Variants in ST8SIA3 observed in about 807,000 individuals in gnomAD.
ST8SIA3 encodes the protein alpha-N-acetylneuraminate alpha-2,8-sialyltransferase ST8SIA3.
ST8SIA3 carries 17 observed loss-of-function variants against 34.5 expected under a neutral mutation model. The observed-to-expected ratio is 0.49, with a 90% CI of 0.34 to 0.74. The LOEUF (loss-of-function observed/expected upper bound fraction) is 0.74. ST8SIA3 is among the 30% of genes least tolerant of loss of function. The pLI, the probability that ST8SIA3 is intolerant of heterozygous loss-of-function variation, is 0.01. For missense variants in ST8SIA3, 354 were observed against 467.8 expected, an observed-to-expected ratio of 0.76 and a Z score of 2.24; for synonymous variants, 172 against 176.1, an observed-to-expected ratio of 0.98 and a Z score of 0.19.
At chr18:57,356,408 T>C (rs890512937) in intron 2 of ST8SIA3, among the ~76,000 whole-genome samples, 6 of 152,230 alleles carry the variant, frequency 3.9e-5, no homozygotes, top group African/African-American at 1.4e-4. Flanking sequence ...ATTTTAATAA[T>C]AGATAGTGCT....
At position 57,356,962 on chromosome 18, in the gene ST8SIA3, A is replaced by G. The variant is rs1445637506; in HGVS notation, c.352A>G (p.Lys118Glu). 4 of 1,610,112 alleles carry G rather than the reference A, an allele frequency of 2.5e-6. No individual in the cohort carries two copies. Among genetic ancestry groups the G allele is most frequent in the Non-Finnish European group, 3.4e-6 (4 of 1,178,642 alleles). Residue 118 changes from lysine to glutamate, a missense_variant, in exon 3 of 4, where the codon AAG becomes GAG. Transcript: ENST00000324000. The stretch of plus-strand genomic sequence containing the variant: ...TGTAATAAAAAATTTTTCTTTGACC[A>G]AGAATAGTGTTCGGATTGGACAACT... ...VDVIKNFSLT[K>E]NSVRIGQLMH... is the part of the protein sequence containing the mutation.
rs760105616 is a variant in ST8SIA3, at chr18:57,356,978, T to C, written c.368T>C (p.Ile123Thr). 1 of 1,613,822 alleles carries C rather than the reference T, an allele frequency of 6.2e-7. No individual in the cohort carries two copies. Among genetic ancestry groups the C allele is most frequent in the Non-Finnish European group, 8.5e-7 (1 of 1,179,892 alleles). ...NFSLTKNSVR[I>T]GQLMHYDYSS... Reference sequence around the variant, plus strand: ...TCTTTGACCAAGAATAGTGTTCGGATTGGACAACTGATGCACTATGATTAT... The same window carrying C: ...TCTTTGACCAAGAATAGTGTTCGGACTGGACAACTGATGCACTATGATTAT... Residue 123 changes from isoleucine to threonine, a missense_variant, in exon 3 of 4, where the codon ATT (isoleucine) becomes ACT (threonine). Coordinates refer to ENST00000324000, the MANE Select transcript of ST8SIA3 (RefSeq NM_015879.3).
At position 57,366,757 on chromosome 18, in the gene ST8SIA3, G is replaced by A. The variant is rs2049862993; in HGVS notation, c.*6480G>A. ...CCTTAGAAAAGTTTCCAACGGTGAA[G>A]AAATACCACTTGGTAGGAATATCTC... On this transcript the variant is annotated 3_prime_UTR_variant, in exon 4 of 4. Transcript: ENST00000324000. 6.6e-6 allele frequency: 1 copy of A among 152,270 alleles called. No individual in the cohort carries two copies. The highest frequency in any genetic ancestry group is 6.5e-5 in the Admixed American group (1 of 15,290). 9.4% of individuals were successfully genotyped at this position (152,270 alleles called of 1,614,324 possible). A position where few individuals can be genotyped will look rare whatever the true frequency, so the allele number is the denominator to read the frequency against.
rs1598905766 is a variant in ST8SIA3 at position 57,365,778 on chromosome 18, G to C, written c.*5501G>C. 6.6e-6 allele frequency: 1 copy of C among 152,162 alleles called. No individual in the cohort carries two copies. The highest frequency in any genetic ancestry group is 2.4e-5 in the African/African-American group (1 of 41,426). The allele number at this position is 152,162 out of a possible 1,614,324, so 9.4% of individuals were successfully genotyped here. A position where few individuals can be genotyped will look rare whatever the true frequency, so the allele number is the denominator to read the frequency against. The stretch of plus-strand genomic sequence containing the variant: ...GTGATCAGTTATTACTTGTGGCCTT[G>C]TACCACCTCTGTTGGATAATGTGCC... On this transcript the variant is annotated 3_prime_UTR_variant, in exon 4 of 4. Coordinates refer to ENST00000324000, the MANE Select transcript of ST8SIA3 (RefSeq NM_015879.3).
At position 57,352,879 on chromosome 18, in the gene ST8SIA3, T is replaced by C. The variant is rs146954800; in HGVS notation, c.33T>C (p.Ser11=). ...ACTGCAAAATGGCCCGGGTCGCCAG[T>C]GTGCTGGGGCTGGTCATGCTCAGCG... The part of the protein sequence containing the change: MRNCKMARVA[S]VLGLVMLSVA... The change falls in exon 1 of 4, where the codon AGT becomes AGC. Residue 11 remains serine, a synonymous_variant. Coordinates refer to ENST00000324000, the MANE Select transcript of ST8SIA3 (RefSeq NM_015879.3). 695 of 1,613,726 alleles carry C rather than the reference T, an allele frequency of 4.3e-4. No homozygotes were observed. The highest frequency in any genetic ancestry group is 5.3e-4 in the Non-Finnish European group (622 of 1,179,996).
At position 57,357,315 on chromosome 18, in the gene ST8SIA3, A is replaced by C; in HGVS notation, c.705A>C (p.Leu235Phe). The change falls in exon 3 of 4, where the codon TTA becomes TTC. Residue 235 changes from leucine to phenylalanine, a missense_variant. Leu to Phe is a conservative substitution (Grantham distance 22). Transcript: ENST00000324000. The stretch of plus-strand genomic sequence containing the variant: ...ACCGTAACAACTTTTTCCTCAGTTT[A>C]AAAAAGCTTGACGGGGCCATTCTTT... ...IQDRNNFFLS[L>F]KKLDGAILWI... 6.2e-7 allele frequency: 1 copy of C among 1,613,996 alleles called. No homozygotes were observed. The highest frequency in any genetic ancestry group is 8.5e-7 in the Non-Finnish European group (1 of 1,179,984).
rs1037754109 is a variant in ST8SIA3, at chr18:57,362,676, T to G, written c.*2399T>G. 6.6e-6 allele frequency: 1 copy of G among 152,132 alleles called. No homozygotes were observed. The highest frequency in any genetic ancestry group is 2.4e-5 in the African/African-American group (1 of 41,440). 9.4% of individuals were successfully genotyped at this position (152,132 alleles called of 1,614,324 possible). ...ATGAAAACTCAAAATAGTGAGGAAA[T>G]GGACTTTTCTTCAGAACTTGAGGGG... On this transcript the variant is annotated 3_prime_UTR_variant, in exon 4 of 4. Coordinates refer to ENST00000324000, the MANE Select transcript of ST8SIA3 (RefSeq NM_015879.3).
chr18:57,357,691 G>T (rs1367283669), intron 3 of ST8SIA3, among the ~76,000 whole-genome samples: 3 of 152,158 alleles, frequency 2.0e-5, no homozygotes, highest in Non-Finnish European at 4.4e-5. Context: ...TGGAAGGATT[G>T]GGGCTTCATC....
intron 2 of ST8SIA3, among the ~76,000 whole-genome samples, chr18:57,355,088 A>C (rs1369560202): frequency 6.6e-6 from 1 of 152,204 alleles, no homozygotes. Context: ...TTGTCTTTAC[A>C]GCTTTTAACT....
In ST8SIA3 at chr18:57,361,863, T is replaced by C. The variant is rs1203743521; in HGVS notation, c.*1586T>C. The C allele has an allele frequency of 6.6e-6, 1 of 152,402 alleles. No individual in the cohort carries two copies. Among genetic ancestry groups the C allele is most frequent in the Non-Finnish European group, 1.5e-5 (1 of 68,040 alleles). The allele number at this position is 152,402 out of a possible 1,614,324, so 9.4% of individuals were successfully genotyped here. A position where few individuals can be genotyped will look rare whatever the true frequency, so the allele number is the denominator to read the frequency against. On this transcript the variant is annotated 3_prime_UTR_variant, in exon 4 of 4. Transcript: ENST00000324000. ...TTGCTTGCAATGCGACAAATAACTG[T>C]TTAAAAAATGTGCTGTAGTTCAGTG...
chr18:57,358,201 C>T (rs1476081599), intron 3 of ST8SIA3, among the ~76,000 whole-genome samples: 4 of 152,198 alleles, frequency 2.6e-5, no homozygotes, highest in Non-Finnish European at 5.9e-5. Context: ...TTTTTAACAA[C>T]TCTCCTGATG....
chr18:57,353,875 G>C (rs748888620), intron 1 of ST8SIA3, among the ~76,000 whole-genome samples: 24 of 152,242 alleles, frequency 1.6e-4, no homozygotes, highest in Non-Finnish European at 3.1e-4. Flanking sequence ...CCTGGACCGA[G>C]GAGCGGAGTA....
Position 57,364,158 on chromosome 18 carries a change from C to T in ST8SIA3, c.*3881C>T, listed in dbSNP as rs1400651342. On this transcript the variant is annotated 3_prime_UTR_variant, in exon 4 of 4. Coordinates refer to ENST00000324000, the MANE Select transcript of ST8SIA3 (RefSeq NM_015879.3). ...ATGAAACAAAACACGCTTGGTAAAT[C>T]ATGATTTGATAAATAACAATTAAGT... is the stretch of plus-strand genomic sequence containing the variant. 1 of 152,190 alleles carries T rather than the reference C, an allele frequency of 6.6e-6. No individual in the cohort carries two copies. Among genetic ancestry groups the T allele is most frequent in the Non-Finnish European group, 1.5e-5 (1 of 68,036 alleles). 9.4% of individuals were successfully genotyped at this position (152,190 alleles called of 1,614,324 possible).
intron 3 of ST8SIA3, among the ~76,000 whole-genome samples, chr18:57,358,039 C>T (rs2049809082): frequency 6.6e-6 from 1 of 152,110 alleles, no homozygotes; most frequent in Non-Finnish European, 1.5e-5. Flanking sequence ...GCCAGAGATG[C>T]AATATTTTCT....
Position 57,357,297 on chromosome 18 carries a change from C to T in ST8SIA3, c.687C>T (p.Asn229=). The change falls in exon 3 of 4, where the codon AAC becomes AAT. Residue 229 remains asparagine, a synonymous_variant. Transcript: ENST00000324000. ...YNNLLTIQDR[N]NFFLSLKKLD... is the part of the protein sequence containing the mutation. ...ATCTCTTGACTATTCAGGACCGTAA[C>T]AACTTTTTCCTCAGTTTAAAAAAGC... The T allele has an allele frequency of 6.2e-7, 1 of 1,614,118 alleles. No homozygotes were observed. The highest frequency in any genetic ancestry group is 8.5e-7 in the Non-Finnish European group (1 of 1,180,006).
rs1226445265 is a variant in ST8SIA3 at position 57,367,339 on chromosome 18, C to T, written c.*7062C>T. 1 of 152,482 alleles carries T rather than the reference C, an allele frequency of 6.6e-6. No individual in the cohort carries two copies. Among genetic ancestry groups the T allele is most frequent in the African/African-American group, 2.4e-5 (1 of 41,452 alleles). The allele number at this position is 152,482 out of a possible 1,614,324, so 9.4% of individuals were successfully genotyped here. A position where few individuals can be genotyped will look rare whatever the true frequency, so the allele number is the denominator to read the frequency against. On this transcript the variant is annotated 3_prime_UTR_variant, in exon 4 of 4. Transcript: ENST00000324000. Reference sequence around the variant, plus strand: ...TCATTGAAATGAGCTTGTTTCTCTACATTGAGCAAGCTACATTTTATTTTA... The same window carrying T: ...TCATTGAAATGAGCTTGTTTCTCTATATTGAGCAAGCTACATTTTATTTTA...
intron 2 of ST8SIA3, among the ~76,000 whole-genome samples, chr18:57,355,577 G>C (rs1052864105): frequency 3.3e-5 from 5 of 152,054 alleles, no homozygotes; most frequent in African/African-American, 7.2e-5. Flanking sequence ...CATGAAAATT[G>C]ATCAATTCTA....
Position 57,354,427 on chromosome 18 carries a change from G to A in ST8SIA3, c.205G>A (p.Asp69Asn). 1 of 1,614,158 alleles carries A rather than the reference G, an allele frequency of 6.2e-7. No homozygotes were observed. Among genetic ancestry groups the A allele is most frequent in the Non-Finnish European group, 8.5e-7 (1 of 1,180,028 alleles). ...GTCACAATTTGCGCTGAAGTTTCTAGACCCGTCATTCGTGCCCATTACGAA... is the reference window on the plus strand; with the variant it reads ...GTCACAATTTGCGCTGAAGTTTCTAAACCCGTCATTCGTGCCCATTACGAA... ...FRSQFALKFL[D>N]PSFVPITNSL... Residue 69 changes from aspartate to asparagine, a missense_variant, in exon 2 of 4, where the codon GAC (aspartate) becomes AAC (asparagine). This residue lies in a region of ST8SIA3 where 184 missense variants were observed against 205.4 expected (regional missense o/e 0.90). Coordinates refer to ENST00000324000, the MANE Select transcript of ST8SIA3 (RefSeq NM_015879.3).
In ST8SIA3 at chr18:57,360,068, A is replaced by G. The variant is rs753243801; in HGVS notation, c.934A>G (p.Ile312Val). Residue 312 changes from isoleucine to valine, a missense_variant, in exon 4 of 4, where the codon ATA becomes GTA. This residue lies in a region of ST8SIA3 where 166 missense variants were observed against 245.2 expected (regional missense o/e 0.68). Transcript: ENST00000324000. ...TCTTATGTACACCCTTGCATCAGCA[A>G]TATGTGAAGAGATCCACTTGTATGG... ...GILMYTLASA[I>V]CEEIHLYGFW... 1 of 1,614,156 alleles carries G rather than the reference A, an allele frequency of 6.2e-7. No individual in the cohort carries two copies. The highest frequency in any genetic ancestry group is 8.5e-7 in the Non-Finnish European group (1 of 1,179,996).
Sources: gnomAD v4.1 joint callset for allele counts (sites outside exome capture counted in the v4.1 genomes callset) on GRCh38, gnomAD v4.1.1 for gene constraint, gnomAD v4.1.1 regional missense constraint, MANE v1.5 for transcripts, NCBI Gene and HGNC (gene_info 2026-07-23, HGNC 2026-07-21) for gene names.